Variants in AGPAT4 observed in about 807,000 individuals in gnomAD.
AGPAT4 encodes 1-acylglycerol-3-phosphate O-acyltransferase 4.
In AGPAT4, 15 loss-of-function variants were observed where a neutral mutation model predicts 48.0. The observed-to-expected ratio is 0.31, with a 90% CI of 0.21 to 0.48. The LOEUF (loss-of-function observed/expected upper bound fraction) is 0.48, where lower values mean the gene tolerates loss of function less well. Ranked by LOEUF, AGPAT4 falls within the 20% of genes least tolerant of loss-of-function variation. The probability of loss-of-function intolerance (pLI) is 0.99; values close to 1 mark genes in which losing one functional copy is unlikely to be tolerated. For synonymous variants in AGPAT4, 178 were observed against 198.7 expected (o/e 0.90, Z 0.88); for missense variants, 314 against 482.5 (o/e 0.65, Z 3.27).
rs1380945592 is a variant in AGPAT4, at chr6:161,219,970, G to A, written c.178+12066C>T. 1.2e-4 allele frequency among the ~76,000 whole-genome samples: 15 copies of A among 124,992 alleles called. No individual in the cohort carries two copies. Among genetic ancestry groups the A allele is most frequent in the African/African-American group, 2.3e-4 (8 of 34,192 alleles). 82.0% of individuals were successfully genotyped at this position (124,992 alleles called of 152,430 possible). On this transcript the variant is annotated intron_variant, in intron 2 of 8. Transcript: ENST00000320285. The surrounding 1 kb of genome is among the most constrained non-coding windows in gnomAD (Gnocchi z 4.9). Reference sequence around the variant, plus strand: ...GGCAGACAGACAGACAGACAGACAGGCAGGCAGATAGATACATTTAAAAAA... The same window carrying A: ...GGCAGACAGACAGACAGACAGACAGACAGGCAGATAGATACATTTAAAAAA...
chr6:161,268,607 G>A (rs968239535), intron 1 of AGPAT4, among the ~76,000 whole-genome samples: 1 of 152,182 alleles, frequency 6.6e-6, no homozygotes, highest in Non-Finnish European at 1.5e-5. Flanking sequence ...TAGTTATGAT[G>A]TTTAACCTAA....
Position 161,246,017 on chromosome 6 carries a change from C to T in AGPAT4, c.-89-13715G>A. ...ATGCAGTATCCTTGTTTCTAGATAG[C>T]TCTGAAAAATGGCCACAAGAATACT... On this transcript the variant is annotated intron_variant, in intron 1 of 8. Transcript: ENST00000320285. The surrounding 1 kb of genome is among the most constrained non-coding windows in gnomAD (Gnocchi z 5.5). 6.6e-6 allele frequency among the ~76,000 whole-genome samples: 1 copy of T among 152,180 alleles called. No individual in the cohort carries two copies. Among genetic ancestry groups the T allele is most frequent in the East Asian group, 1.9e-4 (1 of 5,198 alleles).
At chr6:161,203,390 T>TTTC in intron 2 of AGPAT4, among the ~76,000 whole-genome samples, 1 of 142,866 alleles carries the variant, frequency 7.0e-6, no homozygotes, top group Non-Finnish European at 1.5e-5. Context: ...TCTTTTTTTT[T>TTTC]TTTTTTTTTT....
intron 2 of AGPAT4, among the ~76,000 whole-genome samples, chr6:161,209,665 C>T (rs891625577): frequency 3.3e-5 from 5 of 152,114 alleles, no homozygotes; most frequent in Admixed American, 1.3e-4. Flanking sequence ...GCAAAGCCTT[C>T]GATTTTCCCA....
At chr6:161,227,791 G>C (rs1363666627) in intron 2 of AGPAT4, among the ~76,000 whole-genome samples, 1 of 152,188 alleles carries the variant, frequency 6.6e-6, no homozygotes. Context: ...CAGTAGTGTT[G>C]TAAGAGGCAA....
intron 1 of AGPAT4, among the ~76,000 whole-genome samples, chr6:161,241,254 A>C (rs979743168): frequency 7.5e-6 from 1 of 133,722 alleles, no homozygotes; most frequent in Non-Finnish European, 1.6e-5. Flanking sequence ...CAAGAGCAAA[A>C]CTCTGTCTCA....
rs566858631 is a variant in AGPAT4, at chr6:161,238,695, G to C, written c.-89-6393C>G. Among the ~76,000 whole-genome samples, 5 of 152,292 alleles carry C rather than the reference G, an allele frequency of 3.3e-5. No individual in the cohort carries two copies. The highest frequency in any genetic ancestry group is 3.3e-4 in the Admixed American group (5 of 15,302). ...CTCCACCCAAATCTTACCTTGAATT[G>C]TAGTTCCCATAATCTCCACATGTCG... On this transcript the variant is annotated intron_variant, in intron 1 of 8. Transcript: ENST00000320285. The surrounding 1 kb of genome is among the most constrained non-coding windows in gnomAD (Gnocchi z 5.2).
chr6:161,173,378 A>G lies in AGPAT4; in HGVS notation c.179-6961T>C, dbSNP rs555197516. The stretch of plus-strand genomic sequence containing the variant: ...GCATATCATTGTGGTTTTGATTTGC[A>G]TTTCTCTGATGGCCAGTGATGATGA... On this transcript the variant is annotated intron_variant, in intron 2 of 8. Coordinates refer to ENST00000320285, the MANE Select transcript of AGPAT4 (RefSeq NM_020133.3). Among the ~76,000 whole-genome samples, 4 of 152,220 alleles carry G rather than the reference A, an allele frequency of 2.6e-5. No individual in the cohort carries two copies. The East Asian group carries it at 7.7e-4, about 29-fold the overall frequency.
rs1431899636 is a variant in AGPAT4 at position 161,233,808 on chromosome 6, G to A, written c.-89-1506C>T. ...ATTTTCAATTCGCAATGGGTTTATC[G>A]GGATGTAATCCCATCATAAATTGAG... On this transcript the variant is annotated intron_variant, in intron 1 of 8. Coordinates refer to ENST00000320285, the MANE Select transcript of AGPAT4 (RefSeq NM_020133.3). This position sits in a 1 kb window ranked among gnomAD's most constrained non-coding sequence, Gnocchi z 5.4. Among the ~76,000 whole-genome samples, 3 of 152,116 alleles carry A rather than the reference G, an allele frequency of 2.0e-5. No homozygotes were observed. Among genetic ancestry groups the A allele is most frequent in the African/African-American group, 7.2e-5 (3 of 41,408 alleles).
At chr6:161,152,403 G>C (rs1257664596) in intron 5 of AGPAT4, among the ~76,000 whole-genome samples, 4 of 152,174 alleles carry the variant, frequency 2.6e-5, no homozygotes. Flanking sequence ...ACAGGCAGCA[G>C]AGGCCAGCAG....
rs1228016732 is a variant in AGPAT4, at chr6:161,231,405, GGA to G, written c.178+629_178+630del. 6.6e-6 allele frequency among the ~76,000 whole-genome samples: 1 copy of G among 152,028 alleles called. No individual in the cohort carries two copies. The highest frequency in any genetic ancestry group is 2.4e-5 in the African/African-American group (1 of 41,368). ...CACACAAATGAGTGTACTTAAAAGT[GGA>G]GAAATAGGAGTAGGGTTGTGGATTG... On this transcript the variant is annotated intron_variant, in intron 2 of 8. Transcript: ENST00000320285. The surrounding 1 kb of genome is among the most constrained non-coding windows in gnomAD (Gnocchi z 5.3).
chr6:161,149,236 G>A lies in AGPAT4; in HGVS notation c.718C>T (p.Leu240=), dbSNP rs139732317. The change falls in exon 6 of 9, where the codon CTG becomes TTG. Residue 240 remains leucine (L), a synonymous_variant. Transcript: ENST00000320285. The surrounding 1 kb of genome is among the most constrained non-coding windows in gnomAD (Gnocchi z 6.5). ...LNFRNNENPT[L]LGVLNGKKYH... is the part of the protein sequence containing the mutation. ...TTCTTTCCGTTTAGGACTCCCAGCA[G>A]TGTTGGATTTTCATTATTTCTGAAA... 5.8e-5 allele frequency: 93 copies of A among 1,613,508 alleles called. No individual in the cohort carries two copies. The African/African-American group carries it at 1.2e-3, about 21-fold the overall frequency.
rs1346462943 is a variant in AGPAT4, at chr6:161,136,380, C to G, written c.*160G>C. 6.4e-6 allele frequency: 4 copies of G among 620,852 alleles called. No individual in the cohort carries two copies. The Admixed American group carries it at 1.1e-4, about 18-fold the overall frequency. 38.5% of individuals were successfully genotyped at this position (620,852 alleles called of 1,614,324 possible). On this transcript the variant is annotated 3_prime_UTR_variant, in exon 9 of 9. Coordinates refer to ENST00000320285, the MANE Select transcript of AGPAT4 (RefSeq NM_020133.3). ...AAAAGATTACAAAACATCTTCCTCC[C>G]CATCCGGCCTTGAGACCAGACTCCC...
chr6:161,168,793 G>C (rs1425731551), intron 2 of AGPAT4, among the ~76,000 whole-genome samples: 2 of 152,200 alleles, frequency 1.3e-5, no homozygotes, highest in African/African-American at 4.8e-5. Flanking sequence ...TAGGATGGCT[G>C]CTGAATATTG....
rs908223937 is a variant in AGPAT4 at position 161,136,312 on chromosome 6, C to G, written c.*228G>C. On this transcript the variant is annotated 3_prime_UTR_variant, in exon 9 of 9. Transcript: ENST00000320285. ...CCACACAGCCATTCTCACACACACT[C>G]GCACAAAAAGAAAACCAAAGCCCAC... is the stretch of plus-strand genomic sequence containing the variant. 1.8e-6 allele frequency: 1 copy of G among 541,708 alleles called. No individual in the cohort carries two copies. 33.6% of individuals were successfully genotyped at this position (541,708 alleles called of 1,614,324 possible). A position where few individuals can be genotyped will look rare whatever the true frequency, so the allele number is the denominator to read the frequency against.
At position 161,143,997 on chromosome 6, in the gene AGPAT4, G is replaced by C. The variant is rs1268836167; in HGVS notation, c.843+2527C>G. The C allele has an allele frequency of 2.5e-6, 1 of 392,460 alleles. No homozygotes were observed. Among genetic ancestry groups the C allele is most frequent in the African/African-American group, 2.1e-5 (1 of 48,024 alleles). 24.3% of individuals were successfully genotyped at this position (392,460 alleles called of 1,614,324 possible). ...TTTGACATACACCACACTTCTGACT[G>C]CAAGGTTGATCATTAAAATGAAATC... On this transcript the variant is annotated intron_variant, in intron 7 of 8. Transcript: ENST00000320285. This position sits in a 1 kb window ranked among gnomAD's most constrained non-coding sequence, Gnocchi z 4.7.
Position 161,184,956 on chromosome 6 carries a change from T to C in AGPAT4, c.179-18539A>G, listed in dbSNP as rs1780725622. Among the ~76,000 whole-genome samples, 1 of 152,002 alleles carries C rather than the reference T, an allele frequency of 6.6e-6. No homozygotes were observed. Among genetic ancestry groups the C allele is most frequent in the African/African-American group, 2.4e-5 (1 of 41,364 alleles). On this transcript the variant is annotated intron_variant, in intron 2 of 8. Coordinates refer to ENST00000320285, the MANE Select transcript of AGPAT4 (RefSeq NM_020133.3). The surrounding 1 kb of genome is among the most constrained non-coding windows in gnomAD (Gnocchi z 4.8). ...AGGAGTAGGTTAAACGCCCTCACGA[T>C]GAGCACCCACACACCCAGAGCACAG...
rs1050152684 is a variant in AGPAT4 at position 161,218,432 on chromosome 6, G to A, written c.178+13604C>T. Among the ~76,000 whole-genome samples the A allele has an allele frequency of 6.6e-6, 1 of 152,198 alleles. No individual in the cohort carries two copies. Among genetic ancestry groups the A allele is most frequent in the Non-Finnish European group, 1.5e-5 (1 of 68,042 alleles). ...TGCTGGCATGATGGTCTGACTAAGT[G>A]GGGAAATCACAGCAAGAATACCTTT... On this transcript the variant is annotated intron_variant, in intron 2 of 8. Coordinates refer to ENST00000320285, the MANE Select transcript of AGPAT4 (RefSeq NM_020133.3). The surrounding 1 kb of genome is among the most constrained non-coding windows in gnomAD (Gnocchi z 4.7).
chr6:161,244,830 A>G lies in AGPAT4; in HGVS notation c.-89-12528T>C, dbSNP rs1782606425. Among the ~76,000 whole-genome samples, 1 of 152,128 alleles carries G rather than the reference A, an allele frequency of 6.6e-6. No homozygotes were observed. The highest frequency in any genetic ancestry group is 6.5e-5 in the Admixed American group (1 of 15,274). ...ATGAAACACTGTCTTTGGCCCCCTG[A>G]GCAAAGCTCCTAATCAGTGAAGGTC... On this transcript the variant is annotated intron_variant, in intron 1 of 8. Transcript: ENST00000320285. The surrounding 1 kb of genome is among the most constrained non-coding windows in gnomAD (Gnocchi z 4.7).
Sources: gnomAD v4.1 joint callset for allele counts (sites outside exome capture counted in the v4.1 genomes callset) on GRCh38, gnomAD v4.1.1 for gene constraint, Gnocchi (gnomAD v3.1) non-coding constraint, MANE v1.5 for transcripts, NCBI Gene and HGNC (gene_info 2026-07-23, HGNC 2026-07-21) for gene names.